Variants in SIPA1L3 observed in about 807,000 individuals in gnomAD.
The protein encoded by SIPA1L3 is signal-induced proliferation-associated 1-like protein 3.
Under a neutral mutation model 150.1 loss-of-function variants are expected in SIPA1L3, and 59 were observed. The observed-to-expected ratio is 0.39, with a 90% confidence interval of 0.32 to 0.49. The LOEUF (loss-of-function observed/expected upper bound fraction) is 0.49. Ranked by LOEUF, SIPA1L3 falls within the 20% of genes least tolerant of loss-of-function variation. The probability of loss-of-function intolerance (pLI) is 0.86; values close to 1 mark genes in which losing one functional copy is unlikely to be tolerated. For synonymous variants in SIPA1L3, 1,070 were observed against 1,077.6 expected (o/e 0.99, Z 0.14); for missense variants, 2,211 against 2,489.5 (o/e 0.89, Z 2.38).
intron 10 of SIPA1L3, among the ~76,000 whole-genome samples, chr19:38,136,183 CA>C (rs56146390): frequency 4.2e-3 from 186 of 44,102 alleles, no homozygotes; most frequent in Non-Finnish European, 5.8e-3. Flanking sequence ...GAGACTGTCT[CA>C]AAAAAAAAAA....
intron 1 of SIPA1L3, among the ~76,000 whole-genome samples, chr19:38,025,739 T>C (rs530892598): frequency 6.6e-6 from 1 of 152,306 alleles, no homozygotes; most frequent in African/African-American, 2.4e-5. Context: ...CCCAGGAATT[T>C]TTAAAATGGG....
intron 2 of SIPA1L3, among the ~76,000 whole-genome samples, chr19:38,074,397 A>G (rs1306221234): frequency 6.6e-6 from 1 of 152,214 alleles, no homozygotes; most frequent in Non-Finnish European, 1.5e-5. Flanking sequence ...CATCTGGGCC[A>G]CTGGTTTTCC....
intron 1 of SIPA1L3, among the ~76,000 whole-genome samples, chr19:38,021,089 C>T (rs1001409422): frequency 6.6e-6 from 1 of 152,216 alleles, no homozygotes; most frequent in African/African-American, 2.4e-5. Flanking sequence ...GCGTGAGCCA[C>T]CGTGCCCGGC....
chr19:38,187,577 C>T lies in SIPA1L3; in HGVS notation c.4431-4568C>T, dbSNP rs971329137. 2.7e-5 allele frequency among the ~76,000 whole-genome samples: 4 copies of T among 147,832 alleles called. No homozygotes were observed. In the South Asian group the frequency reaches 8.6e-4, roughly 32 times the overall value. On this transcript the variant is annotated intron_variant, in intron 16 of 21. Coordinates refer to ENST00000222345, the MANE Select transcript of SIPA1L3 (RefSeq NM_015073.3). ...CTAAAAATACAAAAAATTAGCCGGG[C>T]GAGGTGGCGGGCGCCTGTAGTCCCA... is the stretch of plus-strand genomic sequence containing the variant.
chr19:38,078,618 G>A (rs963012102), intron 2 of SIPA1L3, among the ~76,000 whole-genome samples: 13 of 151,066 alleles, frequency 8.6e-5, no homozygotes, highest in African/African-American at 3.2e-4. Context: ...ACACATACAC[G>A]CAGAAGAGGC....
chr19:38,039,439 A>ATCCTG, intron 2 of SIPA1L3, among the ~76,000 whole-genome samples: 1 of 152,100 alleles, frequency 6.6e-6, no homozygotes. Flanking sequence ...CACGCCTGTA[A>ATCCTG]TCCCAGCAAT....
chr19:37,942,286 A>G (rs935384989), intron 1 of SIPA1L3, among the ~76,000 whole-genome samples: 2 of 151,916 alleles, frequency 1.3e-5, no homozygotes, highest in African/African-American at 4.8e-5. Flanking sequence ...TGGAGTCAGG[A>G]AAGCAGAATG....
At chr19:38,191,102 GGT>G (rs1395210246) in intron 16 of SIPA1L3, among the ~76,000 whole-genome samples, 1 of 152,198 alleles carries the variant, frequency 6.6e-6, no homozygotes, top group East Asian at 1.9e-4. Flanking sequence ...ATATGGCTGT[GGT>G]GGGGATCAAA....
intron 1 of SIPA1L3, among the ~76,000 whole-genome samples, chr19:37,989,687 A>T (rs567095600): frequency 1.3e-4 from 17 of 126,824 alleles, no homozygotes; most frequent in African/African-American, 4.2e-4. Context: ...TTTTTTTGAG[A>T]TGGAGTCTCG....
chr19:37,932,718 A>G (rs535190005), intron 1 of SIPA1L3: 2 of 152,368 alleles, frequency 1.3e-5, no homozygotes, highest in South Asian at 2.1e-4. Context: ...TAAATTTGGC[A>G]GTGACTTGCA....
chr19:38,068,827 C>T (rs1969654350), intron 2 of SIPA1L3, among the ~76,000 whole-genome samples: 1 of 152,146 alleles, frequency 6.6e-6, no homozygotes, highest in Non-Finnish European at 1.5e-5. Context: ...CACCACACTC[C>T]AGCCTGGGTG....
intron 1 of SIPA1L3, among the ~76,000 whole-genome samples, chr19:38,019,109 G>A (rs1172273106): frequency 6.6e-6 from 1 of 152,190 alleles, no homozygotes; most frequent in Non-Finnish European, 1.5e-5. Flanking sequence ...TCACTCATCT[G>A]CTATGCAAGA....
intron 4 of SIPA1L3, 124 bp downstream of exon 4, chr19:38,088,975 C>G (rs955054968): frequency 5.9e-6 from 6 of 1,017,974 alleles, no homozygotes; most frequent in Non-Finnish European, 8.7e-6. Context: ...CCCGGGAGAG[C>G]AATCCTGTTA....
At chr19:38,072,306 A>G (rs997335198) in intron 2 of SIPA1L3, among the ~76,000 whole-genome samples, 5 of 152,272 alleles carry the variant, frequency 3.3e-5, no homozygotes, top group African/African-American at 1.2e-4. Context: ...TGCTCTGGAA[A>G]GGACCTGGAC....
intron 2 of SIPA1L3, among the ~76,000 whole-genome samples, chr19:38,037,398 G>T (rs1367052241): frequency 1.3e-5 from 2 of 152,196 alleles, no homozygotes; most frequent in Admixed American, 1.3e-4. Flanking sequence ...AGCTCCGGAC[G>T]TGGGAAGGAG....
chr19:38,064,060 C>T (rs1372792479), intron 2 of SIPA1L3, among the ~76,000 whole-genome samples: 1 of 152,234 alleles, frequency 6.6e-6, no homozygotes, highest in Non-Finnish European at 1.5e-5. Context: ...GCTGTAGCTG[C>T]TGGGTGGGCC....
chr19:37,923,840 A>G (rs1384045774), intron 1 of SIPA1L3, among the ~76,000 whole-genome samples: 1 of 151,644 alleles, frequency 6.6e-6, no homozygotes. Flanking sequence ...GCTCACTGCA[A>G]CCTCTGCCTC....
chr19:37,931,572 C>T (rs2046554054), intron 1 of SIPA1L3, among the ~76,000 whole-genome samples: 1 of 150,760 alleles, frequency 6.6e-6, no homozygotes, highest in Non-Finnish European at 1.5e-5. Flanking sequence ...CATGTTGAAA[C>T]TCCGTCTTTA....
intron 3 of SIPA1L3, among the ~76,000 whole-genome samples, chr19:38,085,219 C>T (rs1020085476): frequency 6.6e-6 from 1 of 151,964 alleles, no homozygotes; most frequent in Non-Finnish European, 1.5e-5. Flanking sequence ...CGGTGGCTCA[C>T]GCTTGTAATC....
Sources: allele counts gnomAD v4.1 joint callset (sites outside exome capture counted in the v4.1 genomes callset), GRCh38; gene constraint gnomAD v4.1.1; transcripts MANE v1.5; gene names NCBI Gene and HGNC (gene_info 2026-07-23, HGNC 2026-07-21).